Variants in MYB observed in about 807,000 individuals in gnomAD.
The protein encoded by MYB is transcriptional activator Myb.
A neutral mutation model predicts 92.9 loss-of-function variants in MYB; 28 were observed. The observed-to-expected ratio is 0.30, with a 90% CI of 0.22 to 0.41. MYB has a LOEUF of 0.41. Among genes scored for constraint, MYB ranks in the 10% least tolerant of loss-of-function variants. The pLI is 1.00. For missense variants in MYB, 679 were observed against 929.3 expected, an observed-to-expected ratio of 0.73 and a Z score of 3.50; for synonymous variants, 295 against 329.1, an observed-to-expected ratio of 0.90 and a Z score of 1.12.
chr6:135,197,730 T>C (rs909613626), intron 10 of MYB, among the ~76,000 whole-genome samples: 1 of 152,204 alleles, frequency 6.6e-6, no homozygotes. Flanking sequence ...GGGAACCAAA[T>C]TGTGTTTATA....
At chr6:135,212,460 A>G (rs1779879227) in intron 15 of MYB, among the ~76,000 whole-genome samples, 1 of 152,046 alleles carries the variant, frequency 6.6e-6, no homozygotes, top group South Asian at 2.1e-4. Context: ...ACCTGTGGAC[A>G]TGGTCTTGTT....
rs1396319202 is a variant in MYB, at chr6:135,201,666, A to C, written c.1978A>C (p.Asn660His). The C allele has an allele frequency of 6.2e-7, 1 of 1,604,716 alleles. No homozygotes were observed. The highest frequency in any genetic ancestry group is 1.1e-5 in the South Asian group (1 of 90,264). ...EVESPTDKSG[N>H]FFCSHHWEGD... ...GGAATCTCCAACTGATAAATCAGGA[A>C]ACTTCTTCTGCTCACACCACTGGGA... The change falls in exon 14 of 16, where the codon AAC (asparagine) becomes CAC (histidine). Residue 660 changes from asparagine to histidine, a missense_variant. By Grantham distance (68) the Asn-to-His change is moderately conservative. Coordinates refer to ENST00000341911, the MANE Select transcript of MYB (RefSeq NM_001130173.2).
rs745999980 is a variant in MYB, at chr6:135,197,019, C to T, written c.1262C>T (p.Ser421Leu). The change falls in exon 10 of 16, where the codon TCA becomes TTA. Residue 421 changes from serine to leucine, a missense_variant. Transcript: ENST00000341911. ...GAATTCTTTGAAGAAGCAGATTTTT[C>T]ACCTAGCCAACATCACACAGGCAAA... is the stretch of plus-strand genomic sequence containing the variant. ...SFEFFEEADF[S>L]PSQHHTGKAL... is the part of the protein sequence containing the mutation. 6.2e-7 allele frequency: 1 copy of T among 1,613,914 alleles called. No homozygotes were observed. Among genetic ancestry groups the T allele is most frequent in the East Asian group, 2.2e-5 (1 of 44,888 alleles).
chr6:135,200,565 CA>C (rs1460736358), intron 13 of MYB, 150 bp downstream of exon 13: 1 of 1,118,212 alleles, frequency 8.9e-7, no homozygotes, highest in Non-Finnish European at 1.3e-6. Context: ...AAGGTACTGC[CA>C]GACTGTAGGC....
rs1386895030 is a variant in MYB at position 135,218,881 on chromosome 6, T to G, written c.*901T>G. 2 of 228,878 alleles carry G rather than the reference T, an allele frequency of 8.7e-6. No homozygotes were observed. Among genetic ancestry groups the G allele is most frequent in the Non-Finnish European group, 8.7e-6 (1 of 115,130 alleles). The allele number at this position is 228,878 out of a possible 1,614,324, so 14.2% of individuals were successfully genotyped here. A position where few individuals can be genotyped will look rare whatever the true frequency, so the allele number is the denominator to read the frequency against. Reference sequence around the variant, plus strand: ...TTATACAAGCATGCGTTGCACTTCTTTTTTGGGAGATGTGTGTTGTTGATG... The same window carrying G: ...TTATACAAGCATGCGTTGCACTTCTGTTTTGGGAGATGTGTGTTGTTGATG... On this transcript the variant is annotated 3_prime_UTR_variant, in exon 16 of 16. Coordinates refer to ENST00000341911, the MANE Select transcript of MYB (RefSeq NM_001130173.2).
Position 135,190,051 on chromosome 6 carries a change from G to A in MYB, c.307-76G>A, listed in dbSNP as rs1333305177. 10 of 1,527,234 alleles carry A rather than the reference G, an allele frequency of 6.5e-6. No homozygotes were observed. Among genetic ancestry groups the A allele is most frequent in the Non-Finnish European group, 6.3e-6 (7 of 1,118,092 alleles). The allele number at this position is 1,527,234 out of a possible 1,614,324, so 94.6% of individuals were successfully genotyped here. On this transcript the variant is annotated intron_variant, in intron 4 of 15. Transcript: ENST00000341911. This position sits in a 1 kb window ranked among gnomAD's most constrained non-coding sequence, Gnocchi z 4.5. ...ATTTTGGAAATTTTCTAAAGATCTTGTAACACTGAAGAATGATTATACTGA... is the reference window on the plus strand; with the variant it reads ...ATTTTGGAAATTTTCTAAAGATCTTATAACACTGAAGAATGATTATACTGA...
chr6:135,216,159 C>G (rs1780403352), intron 15 of MYB, among the ~76,000 whole-genome samples: 1 of 152,030 alleles, frequency 6.6e-6, no homozygotes, highest in Admixed American at 6.6e-5. Flanking sequence ...GCTGGTGTTT[C>G]GTGTGCAAAT....
intron 8 of MYB, chr6:135,194,949 A>T (rs140337916): frequency 4.5e-6 from 6 of 1,325,662 alleles, no homozygotes; most frequent in Non-Finnish European, 5.0e-6. Flanking sequence ...TTTTATTTGC[A>T]TGTGTGAAAG....
In MYB at chr6:135,203,254, C is replaced by T. The variant is rs755921035; in HGVS notation, c.2099C>T (p.Ser700Leu). ...LTSSVLMAPA[S>L]EDEDNVLKAF... ...AGCTCCGTTTTAATGGCACCAGCATCAGAAGATGAAGACAATGTTCTCAAA... is the reference window on the plus strand; with the variant it reads ...AGCTCCGTTTTAATGGCACCAGCATTAGAAGATGAAGACAATGTTCTCAAA... The change falls in exon 15 of 16, where the codon TCA becomes TTA. Residue 700 changes from serine to leucine, a missense_variant. This residue lies in a region of MYB where 402 missense variants were observed against 434.2 expected (regional missense o/e 0.93). Coordinates refer to ENST00000341911, the MANE Select transcript of MYB (RefSeq NM_001130173.2). The T allele has an allele frequency of 3.7e-6, 6 of 1,611,286 alleles. No individual in the cohort carries two copies. The South Asian group carries it at 6.6e-5, about 18-fold the overall frequency.
chr6:135,196,966 T>G lies in MYB; in HGVS notation c.1209T>G (p.Ser403=), dbSNP rs1383765351. ...AETLQFIDSD[S]SSWCDLSSFE... ...TGCCTCCCACATTGTTTCAGGATTC[T>G]TCATCATGGTGTGATCTCAGCAGTT... The change falls in exon 10 of 16, where the codon TCT becomes TCG. Residue 403 remains serine, a synonymous_variant. Coordinates refer to ENST00000341911, the MANE Select transcript of MYB (RefSeq NM_001130173.2). The G allele has an allele frequency of 6.2e-7, 1 of 1,611,896 alleles. No homozygotes were observed. Among genetic ancestry groups the G allele is most frequent in the East Asian group, 2.2e-5 (1 of 44,872 alleles).
At chr6:135,211,064 G>A (rs1239297794) in intron 15 of MYB, among the ~76,000 whole-genome samples, 1 of 151,688 alleles carries the variant, frequency 6.6e-6, no homozygotes, top group Admixed American at 6.6e-5. Context: ...CAGACCTCGC[G>A]GTATGATGGA....
At chr6:135,188,484 T>A (rs1776212386) in intron 3 of MYB, among the ~76,000 whole-genome samples, 1 of 151,294 alleles carries the variant, frequency 6.6e-6, no homozygotes, top group African/African-American at 2.4e-5. Context: ...AGTTTTCCAT[T>A]TTTCTTTCTT....
At chr6:135,209,833 A>T (rs1263510259) in intron 15 of MYB, among the ~76,000 whole-genome samples, 1 of 152,256 alleles carries the variant, frequency 6.6e-6, no homozygotes, top group African/African-American at 2.4e-5. Context: ...GGCTCAGAAT[A>T]TATGAGATTT....
intron 1 of MYB, among the ~76,000 whole-genome samples, chr6:135,185,199 A>C (rs945399259): frequency 6.6e-6 from 1 of 152,204 alleles, no homozygotes; most frequent in Non-Finnish European, 1.5e-5. Flanking sequence ...TACTCTAGAA[A>C]CTAAGTATTG....
chr6:135,191,067 A>G (rs1776564670), intron 5 of MYB, among the ~76,000 whole-genome samples: 1 of 152,264 alleles, frequency 6.6e-6, no homozygotes, highest in Admixed American at 6.5e-5. Flanking sequence ...TGCTGGGATT[A>G]TAGGCATGGG....
intron 10 of MYB, 137 bp downstream of exon 10, chr6:135,197,460 T>C: frequency 1.1e-6 from 1 of 876,780 alleles, no homozygotes; most frequent in Non-Finnish European, 1.8e-6. Flanking sequence ...TGAATCTAGC[T>C]GTTGCTAAGT....
chr6:135,189,735 A>T, intron 3 of MYB, 56 bp from the exon 4 acceptor site: 5 of 1,477,272 alleles, frequency 3.4e-6, no homozygotes, highest in Non-Finnish European at 4.7e-6. Context: ...TACAACAAAA[A>T]ATTCACGTGC....
At chr6:135,191,348 A>G (rs934017918) in intron 5 of MYB, among the ~76,000 whole-genome samples, 4 of 152,222 alleles carry the variant, frequency 2.6e-5, no homozygotes, top group Non-Finnish European at 5.9e-5. Context: ...ACTTTTAATG[A>G]TAAATCTTGC....
Position 135,215,159 on chromosome 6 carries a change from C to T in MYB, c.2170-2705C>T, listed in dbSNP as rs139663805. ...GGAAAGTTTAAAAGCTAGAACATTA[C>T]ACTGCAAACCCTATGTCAGGAAACT... is the stretch of plus-strand genomic sequence containing the variant. On this transcript the variant is annotated intron_variant, in intron 15 of 15. Transcript: ENST00000341911. Among the ~76,000 whole-genome samples, 675 of 152,308 alleles carry T rather than the reference C, an allele frequency of 4.4e-3. 3 individuals are homozygous for T. Among genetic ancestry groups the T allele is most frequent in the Non-Finnish European group, 6.7e-3 (459 of 68,028 alleles).
Sources: gnomAD v4.1 joint callset for allele counts (sites outside exome capture counted in the v4.1 genomes callset) on GRCh38, gnomAD v4.1.1 for gene constraint, gnomAD v4.1.1 regional missense constraint, Gnocchi (gnomAD v3.1) non-coding constraint, MANE v1.5 for transcripts, NCBI Gene and HGNC (gene_info 2026-07-23, HGNC 2026-07-21) for gene names.